PCDHA4: variants seen among roughly 807,000 people sequenced by gnomAD.
PCDHA4 encodes protocadherin alpha 4.
Under a neutral mutation model 61.4 loss-of-function variants are expected in PCDHA4, and 49 were observed. The observed-to-expected ratio is 0.80, with a 90% CI of 0.63 to 1.01. The LOEUF (loss-of-function observed/expected upper bound fraction) is 1.01. Among genes scored for constraint, PCDHA4 ranks in the 50% least tolerant of loss-of-function variants. The probability of loss-of-function intolerance (pLI) is 0.00; values close to 1 mark genes in which losing one functional copy is unlikely to be tolerated. For synonymous variants in PCDHA4, 590 were observed against 550.3 expected, an observed-to-expected ratio of 1.07 and a Z score of -1.01; for missense variants, 1,254 against 1,235.8, an observed-to-expected ratio of 1.01 and a Z score of -0.22.
At chr5:140,895,660 A>G (rs2065094898) in intron 1 of PCDHA4, among the ~76,000 whole-genome samples, 6 of 152,160 alleles carry the variant, frequency 3.9e-5, no homozygotes, top group Admixed American at 3.9e-4. Context: ...CTTATAAGTG[A>G]GAACATGTAG....
Position 141,011,176 on chromosome 5 carries a change from A to G in PCDHA4, c.*1239A>G, listed in dbSNP as rs1198355681. On this transcript the variant is annotated 3_prime_UTR_variant, in exon 4 of 4. Coordinates refer to ENST00000530339, the MANE Select transcript of PCDHA4 (RefSeq NM_018907.4). The stretch of plus-strand genomic sequence containing the variant: ...ACCAACTATATATCAAGACCCAAAA[A>G]TTGAAGAAAAATATTGTTTTCTCAT... 1 of 153,724 alleles carries G rather than the reference A, an allele frequency of 6.5e-6. No homozygotes were observed. The highest frequency in any genetic ancestry group is 1.5e-5 in the Non-Finnish European group (1 of 68,024). The allele number at this position is 153,724 out of a possible 1,614,324, so 9.5% of individuals were successfully genotyped here.
At position 140,807,651 on chromosome 5, in the gene PCDHA4, A is replaced by G. The variant is rs1554124177; in HGVS notation, c.464A>G (p.Glu155Gly). The change falls in exon 1 of 4, where the codon GAG becomes GGG. Residue 155 changes from glutamate (E) to glycine (G), a missense_variant. Coordinates refer to ENST00000530339, the MANE Select transcript of PCDHA4 (RefSeq NM_018907.4). ...SRPLDSRFPLEGASDADIGEN... is the reference protein window; with the variant it reads ...SRPLDSRFPLGGASDADIGEN... ...CCGCTTGACTCTCGGTTTCCACTAG[A>G]GGGCGCCTCGGATGCAGATATCGGG... The G allele has an allele frequency of 6.2e-7, 1 of 1,614,098 alleles. No homozygotes were observed. The highest frequency in any genetic ancestry group is 8.5e-7 in the Non-Finnish European group (1 of 1,180,048).
chr5:140,890,931 C>T (rs2062870447), intron 1 of PCDHA4, among the ~76,000 whole-genome samples: 1 of 152,090 alleles, frequency 6.6e-6, no homozygotes, highest in Admixed American at 6.6e-5. Context: ...TTCCTTTAGT[C>T]CAAAGATGCT....
chr5:140,941,241 T>TTCTTTCTTTCTTTC (rs1247398838), intron 1 of PCDHA4, among the ~76,000 whole-genome samples: 1 of 140,458 alleles, frequency 7.1e-6, no homozygotes, highest in Non-Finnish European at 1.5e-5. Flanking sequence ...CTTTCTTTCT[T>TTCTTTCTTTCTTTC]TCTTTCTTTC....
At chr5:140,831,247 T>C (rs752027104) in intron 1 of PCDHA4, 1 of 152,234 alleles carries the variant, frequency 6.6e-6, no homozygotes, top group Admixed American at 6.6e-5. Flanking sequence ...TGCGGCTCTC[T>C]TATTTCTGTT....
In PCDHA4 at chr5:141,010,048, C is replaced by T; in HGVS notation, c.*111C>T. 4 of 1,597,434 alleles carry T rather than the reference C, an allele frequency of 2.5e-6. No homozygotes were observed. The highest frequency in any genetic ancestry group is 3.4e-6 in the Non-Finnish European group (4 of 1,172,252). Reference sequence around the variant, plus strand: ...CTATCTACATGAGCCCTCTTAGAGACCTCAGAAATCTGCAGAAAGTTCCCT... The same window carrying T: ...CTATCTACATGAGCCCTCTTAGAGATCTCAGAAATCTGCAGAAAGTTCCCT... On this transcript the variant is annotated 3_prime_UTR_variant, in exon 4 of 4. Coordinates refer to ENST00000530339, the MANE Select transcript of PCDHA4 (RefSeq NM_018907.4).
At chr5:140,878,556 A>G (rs959852623) in intron 1 of PCDHA4, among the ~76,000 whole-genome samples, 3 of 152,156 alleles carry the variant, frequency 2.0e-5, no homozygotes, top group East Asian at 3.8e-4. Context: ...GATGATCCCA[A>G]ACTTATCATA....
chr5:140,973,554 C>T (rs897513375), intron 1 of PCDHA4, among the ~76,000 whole-genome samples: 3 of 152,316 alleles, frequency 2.0e-5, no homozygotes, highest in Admixed American at 6.5e-5. Flanking sequence ...TTTCAATTAC[C>T]TCTTTCCTCA....
intron 1 of PCDHA4, chr5:140,928,995 C>T (rs1554206548): frequency 1.2e-6 from 2 of 1,613,798 alleles, no homozygotes; most frequent in Non-Finnish European, 1.7e-6. Flanking sequence ...GCTTACTTTT[C>T]TTCGTGTGTA....
chr5:140,966,918 A>T, intron 1 of PCDHA4: 1 of 1,602,744 alleles, frequency 6.2e-7, no homozygotes. Flanking sequence ...GTGCCAGAGG[A>T]GCAGGCACCC....
intron 1 of PCDHA4, chr5:140,816,144 A>G (rs1293807593): frequency 6.6e-6 from 1 of 152,180 alleles, no homozygotes; most frequent in Non-Finnish European, 1.5e-5. Flanking sequence ...TGAGTAGAGC[A>G]GCCTGCTCGA....
intron 3 of PCDHA4, among the ~76,000 whole-genome samples, chr5:140,983,631 C>T (rs1336337529): frequency 2.0e-5 from 3 of 152,134 alleles, no homozygotes; most frequent in African/African-American, 7.2e-5. Context: ...AAGAAATGTA[C>T]CCAAGTTCAC....
chr5:140,993,463 CACACA>C (rs1563592057), intron 3 of PCDHA4, among the ~76,000 whole-genome samples: 16 of 7,580 alleles, frequency 2.1e-3, no homozygotes, highest in African/African-American at 9.9e-3. Flanking sequence ...CTTTCTTTCT[CACACA>C]CACACACACA....
Position 141,010,327 on chromosome 5 carries a change from G to T in PCDHA4, c.*390G>T, listed in dbSNP as rs2098416942. 5 of 1,539,742 alleles carry T rather than the reference G, an allele frequency of 3.2e-6. No individual in the cohort carries two copies. The highest frequency in any genetic ancestry group is 2.4e-5 in the South Asian group (2 of 82,532). On this transcript the variant is annotated 3_prime_UTR_variant, in exon 4 of 4. Transcript: ENST00000530339. ...AAAGTTTTGAGATTGAGCAGCTTGGGAGTTTGTGGCCACTGGGTATGTGTG... is the reference window on the plus strand; with the variant it reads ...AAAGTTTTGAGATTGAGCAGCTTGGTAGTTTGTGGCCACTGGGTATGTGTG...
At chr5:141,007,749 T>C (rs2098343750) in intron 3 of PCDHA4, among the ~76,000 whole-genome samples, 2 of 152,334 alleles carry the variant, frequency 1.3e-5, no homozygotes, top group South Asian at 4.1e-4. Flanking sequence ...AAGATAACTT[T>C]GGACTCTTAT....
At chr5:140,928,868 C>G (rs374918492) in intron 1 of PCDHA4, 32 of 1,614,062 alleles carry the variant, frequency 2.0e-5, no homozygotes, top group Non-Finnish European at 2.6e-5. Context: ...TTGAGCAACT[C>G]TGTCCCTCAG....
chr5:140,856,824 T>C (rs1554149171), intron 1 of PCDHA4: 1 of 1,592,156 alleles, frequency 6.3e-7, no homozygotes, highest in Middle Eastern at 1.7e-4. Flanking sequence ...AACCAAACAT[T>C]AGTAATACGG....
At chr5:140,870,930 A>C (rs373236202) in intron 1 of PCDHA4, 10 of 1,613,732 alleles carry the variant, frequency 6.2e-6, no homozygotes, top group Non-Finnish European at 8.5e-6. Flanking sequence ...TTTCATATGA[A>C]TTGCAGCCGG....
chr5:140,836,719 G>A (rs1774695669), intron 1 of PCDHA4: 1 of 1,612,572 alleles, frequency 6.2e-7, no homozygotes, highest in African/African-American at 1.3e-5. Context: ...CTTCCTCAGG[G>A]TCCATCCTCT....
Sources: gnomAD v4.1 joint callset for allele counts (sites outside exome capture counted in the v4.1 genomes callset) on GRCh38, gnomAD v4.1.1 for gene constraint, MANE v1.5 for transcripts, NCBI Gene and HGNC (gene_info 2026-07-23, HGNC 2026-07-21) for gene names.